Variants in GGA2 observed in about 807,000 individuals in gnomAD.
The protein encoded by GGA2 is ADP-ribosylation factor-binding protein GGA2.
GGA2 carries 48 observed loss-of-function variants against 79.5 expected under a neutral mutation model. The observed-to-expected ratio is 0.60, with a 90% CI of 0.48 to 0.77. GGA2 has a LOEUF of 0.77. Ranked by LOEUF, GGA2 falls within the 30% of genes least tolerant of loss-of-function variation. The pLI is 0.00. For missense variants in GGA2, 770 were observed against 774.0 expected, an observed-to-expected ratio of 0.99 and a Z score of 0.06; for synonymous variants, 317 against 302.0, an observed-to-expected ratio of 1.05 and a Z score of -0.51.
chr16:23,510,673 A>C (rs532678382), upstream of GGA2, among the ~76,000 whole-genome samples: 9 of 152,246 alleles, frequency 5.9e-5, no homozygotes, highest in Non-Finnish European at 1.0e-4. Context: ...GCCCAGTTAA[A>C]TTTGATTTTC....
intron 2 of GGA2, among the ~76,000 whole-genome samples, chr16:23,515,577 A>AAC (rs1341046798): frequency 1.3e-5 from 2 of 150,680 alleles, no homozygotes; most frequent in Non-Finnish European, 3.0e-5. Flanking sequence ...AGCCTGCAAA[A>AAC]AAAAAAAAAA....
chr16:23,480,985 T>A (rs1964640647), intron 9 of GGA2, among the ~76,000 whole-genome samples: 1 of 152,150 alleles, frequency 6.6e-6, no homozygotes, highest in African/African-American at 2.4e-5. Flanking sequence ...AGGAAGCAAA[T>A]CTGTTCACCT....
intron 8 of GGA2, among the ~76,000 whole-genome samples, chr16:23,484,191 T>C (rs184818235): frequency 1.3e-5 from 2 of 150,728 alleles, no homozygotes; most frequent in Admixed American, 6.6e-5. Context: ...GTGGATCACC[T>C]GAGGTCAGGA....
chr16:23,520,253 C>CAAAAA (rs3071381), intron 1 of GGA2, among the ~76,000 whole-genome samples: 5 of 114,372 alleles, frequency 4.4e-5, no homozygotes, highest in Non-Finnish European at 5.1e-5. Context: ...AACTACGTCT[C>CAAAAA]AAAAAAAAAA....
At chr16:23,470,825 C>CTTTTTTTT (rs36067397) in intron 14 of GGA2, among the ~76,000 whole-genome samples, 1 of 56,112 alleles carries the variant, frequency 1.8e-5, no homozygotes, top group Non-Finnish European at 3.1e-5. Flanking sequence ...GAAATAAATG[C>CTTTTTTTT]TTTTTTTTTT....
Position 23,468,930 on chromosome 16 carries a change from G to C in GGA2, c.1687C>G (p.Pro563Ala), listed in dbSNP as rs772738100. 6.2e-7 allele frequency: 1 copy of C among 1,611,426 alleles called. No individual in the cohort carries two copies. The stretch of plus-strand genomic sequence containing the variant: ...AGCAGCATCTGAGATATCACAGCTG[G>C]AGGCATCAAAGGACTGAATGCAGGA... Reference protein sequence around the residue: ...KLPAFSPLMPPAVISQMLLLD... With the variant: ...KLPAFSPLMPAAVISQMLLLD... Residue 563 changes from proline (P) to alanine (A), a missense_variant, in exon 16 of 17, where the codon CCA becomes GCA. By Grantham distance (27) the Pro-to-Ala change is conservative. Transcript: ENST00000309859.
intron 9 of GGA2, among the ~76,000 whole-genome samples, chr16:23,481,116 T>C (rs1964642263): frequency 6.6e-6 from 1 of 152,224 alleles, no homozygotes; most frequent in Non-Finnish European, 1.5e-5. Context: ...CAGTGGCTCA[T>C]GCCTATAATC....
rs1567357316 is a variant in GGA2, at chr16:23,468,941, G to T, written c.1676C>A (p.Pro559His). ...AGATATCACAGCTGGAGGCATCAAA[G>T]GACTGAATGCAGGAAGCTTGGAGCT... ...ASSSKLPAFS[P>H]LMPPAVISQM... The change falls in exon 16 of 17, where the codon CCT (proline) becomes CAT (histidine). Residue 559 changes from proline (P) to histidine (H), a missense_variant. Transcript: ENST00000309859. The T allele has an allele frequency of 6.2e-7, 1 of 1,612,492 alleles. No individual in the cohort carries two copies. Among genetic ancestry groups the T allele is most frequent in the Non-Finnish European group, 8.5e-7 (1 of 1,178,576 alleles).
rs764765850 is a variant in GGA2 at position 23,467,704 on chromosome 16, G to C, written c.1732-4C>G. The stretch of plus-strand genomic sequence containing the variant: ...TGTACCGTAAGCGGATAGGTTCCTG[G>C]GACAGAAGAGACAGAAGATGTCAAA... On this transcript the variant is annotated splice_region_variant and splice_polypyrimidine_tract_variant and intron_variant, in intron 16 of 16. Transcript: ENST00000309859. The C allele has an allele frequency of 6.8e-7, 1 of 1,463,718 alleles. No homozygotes were observed. The highest frequency in any genetic ancestry group is 9.6e-7 in the Non-Finnish European group (1 of 1,042,982). 90.7% of individuals were successfully genotyped at this position (1,463,718 alleles called of 1,614,324 possible). A position where few individuals can be genotyped will look rare whatever the true frequency, so the allele number is the denominator to read the frequency against.
Position 23,478,438 on chromosome 16 carries a change from C to A in GGA2, c.1222G>T (p.Gly408Cys). 1 of 1,611,874 alleles carries A rather than the reference C, an allele frequency of 6.2e-7. No individual in the cohort carries two copies. The highest frequency in any genetic ancestry group is 8.5e-7 in the Non-Finnish European group (1 of 1,178,414). The change falls in exon 13 of 17, where the codon GGT (glycine) becomes TGT (cysteine). Residue 408 changes from glycine to cysteine, a missense_variant. Physicochemically the swap from Gly to Cys is radical, Grantham distance 159 (BLOSUM62 -3). Transcript: ENST00000309859. ...CTGTCTGCAGAAGGGTTCTGAACAC[C>A]ACCGCCTGGCAGCGTGCTGGAGGAG... ...NPSSSTLPGG[G>C]VQNPSADRNL...
At chr16:23,499,757 C>A (rs1263593698) in intron 1 of GGA2, among the ~76,000 whole-genome samples, 2 of 152,194 alleles carry the variant, frequency 1.3e-5, no homozygotes, top group Non-Finnish European at 2.9e-5. Context: ...CCACTGTGCC[C>A]GGCTCAGTTT....
intron 4 of GGA2, among the ~76,000 whole-genome samples, 166 bp from the exon 5 acceptor site, chr16:23,491,966 C>T (rs767431381): frequency 2.6e-5 from 4 of 152,116 alleles, no homozygotes; most frequent in African/African-American, 9.7e-5. Flanking sequence ...CCCCGGAGCC[C>T]TTCCTGGGAT....
At chr16:23,517,101 G>C (rs1176281610) in intron 2 of GGA2, among the ~76,000 whole-genome samples, 2 of 152,216 alleles carry the variant, frequency 1.3e-5, no homozygotes. Context: ...CTCTTGCCTA[G>C]GCTGGAGTGC....
At chr16:23,522,191 G>A (rs1299320880), upstream of GGA2, 2 of 202,984 alleles carry the variant, frequency 9.9e-6, no homozygotes, top group East Asian at 1.1e-4. Flanking sequence ...TCTGGAGAAA[G>A]CTCCCTAGTT....
At chr16:23,496,687 T>C (rs1394207506) in intron 1 of GGA2, among the ~76,000 whole-genome samples, 1 of 152,134 alleles carries the variant, frequency 6.6e-6, no homozygotes, top group African/African-American at 2.4e-5. Flanking sequence ...CCAGGCGCGA[T>C]GGCTCACGCC....
intron 14 of GGA2, among the ~76,000 whole-genome samples, chr16:23,471,134 C>T (rs75042543): frequency 3.9e-5 from 6 of 152,200 alleles, no homozygotes; most frequent in East Asian, 1.9e-4. Flanking sequence ...AGCCACTGCA[C>T]CCGGCCAATG....
At chr16:23,467,761 A>G in intron 16 of GGA2, 61 bp from the exon 17 acceptor site, 2 of 816,188 alleles carry the variant, frequency 2.5e-6, no homozygotes, top group South Asian at 2.7e-5. Flanking sequence ...ACAGGGGTCA[A>G]TGTTAAGTCA....
In GGA2 at chr16:23,467,411, C is replaced by CAT; in HGVS notation, c.*178_*179insAT. The CAT allele has an allele frequency of 1.7e-6, 1 of 588,746 alleles. No homozygotes were observed. The highest frequency in any genetic ancestry group is 3.0e-5 in the East Asian group (1 of 33,772). The allele number at this position is 588,746 out of a possible 1,614,324, so 36.5% of individuals were successfully genotyped here. A position where few individuals can be genotyped will look rare whatever the true frequency, so the allele number is the denominator to read the frequency against. On this transcript the variant is annotated 3_prime_UTR_variant, in exon 17 of 17. Coordinates refer to ENST00000309859, the MANE Select transcript of GGA2 (RefSeq NM_015044.4). ...GAACACACACACACACACACACACA[C>CAT]ACACACACACACACACACACACAGA...
At chr16:23,483,213 A>C (rs959002193) in intron 8 of GGA2, among the ~76,000 whole-genome samples, 1 of 152,196 alleles carries the variant, frequency 6.6e-6, no homozygotes, top group African/African-American at 2.4e-5. Flanking sequence ...ATTTCTGAAA[A>C]TAAAATAATC....
Sources: allele counts gnomAD v4.1 joint callset (sites outside exome capture counted in the v4.1 genomes callset), GRCh38; gene constraint gnomAD v4.1.1; transcripts MANE v1.5; gene names NCBI Gene and HGNC (gene_info 2026-07-23, HGNC 2026-07-21).